TRABD2B: variants seen among roughly 807,000 people sequenced by gnomAD.
TRABD2B encodes metalloprotease TIKI2.
A neutral mutation model predicts 40.1 loss-of-function variants in TRABD2B; 14 were observed. The ratio of observed to expected loss-of-function variants is 0.35; its 90% CI spans 0.23 to 0.55. The LOEUF (loss-of-function observed/expected upper bound fraction) is 0.55, where lower values mean the gene tolerates loss of function less well. TRABD2B is among the 20% of genes least tolerant of loss of function. TRABD2B has a pLI of 0.90. For missense variants in TRABD2B, 541 were observed against 648.6 expected (o/e 0.83, Z 1.80); for synonymous variants, 263 against 277.0 (o/e 0.95, Z 0.50).
At chr1:47,897,732 C>G (rs943766608) in intron 2 of TRABD2B, among the ~76,000 whole-genome samples, 4 of 152,262 alleles carry the variant, frequency 2.6e-5, no homozygotes, top group Admixed American at 2.6e-4. Context: ...CATATACAAT[C>G]TGACCTGCCC....
intron 2 of TRABD2B, among the ~76,000 whole-genome samples, chr1:47,925,236 G>A (rs1644954288): frequency 6.6e-6 from 1 of 152,020 alleles, no homozygotes; most frequent in Non-Finnish European, 1.5e-5. Context: ...AGTTTCATGA[G>A]GATCTTATAG....
chr1:47,837,965 G>A (rs1285325701), intron 2 of TRABD2B, among the ~76,000 whole-genome samples: 5 of 152,188 alleles, frequency 3.3e-5, no homozygotes, highest in Admixed American at 1.3e-4. Flanking sequence ...CCAGCACGGG[G>A]ATTCAAGTAA....
rs138220294 is a variant in TRABD2B, at chr1:47,910,689, C to T, written c.666+83345G>A. ...CCTGTATGCTGTGCGTCCTGGGCCA[C>T]GCCATTTCTCTCTCGGAGCCTGTGT... is the stretch of plus-strand genomic sequence containing the variant. On this transcript the variant is annotated intron_variant, in intron 2 of 6. Transcript: ENST00000606738. 1.1e-3 allele frequency among the ~76,000 whole-genome samples: 171 copies of T among 152,290 alleles called. 1 individual carries two copies. The highest frequency in any genetic ancestry group is 3.7e-3 in the African/African-American group (154 of 41,558).
At chr1:47,889,385 A>G (rs1377506522) in intron 2 of TRABD2B, among the ~76,000 whole-genome samples, 1 of 152,212 alleles carries the variant, frequency 6.6e-6, no homozygotes, top group East Asian at 1.9e-4. Context: ...TTTGGGGGGA[A>G]ATAAAGGACA....
intron 2 of TRABD2B, among the ~76,000 whole-genome samples, chr1:47,893,109 G>A (rs1320067166): frequency 6.6e-6 from 1 of 152,170 alleles, no homozygotes; most frequent in African/African-American, 2.4e-5. Context: ...TGGCCAGATG[G>A]CCCCTCAGCT....
At chr1:47,843,147 C>CT (rs1450296500) in intron 2 of TRABD2B, among the ~76,000 whole-genome samples, 2 of 152,220 alleles carry the variant, frequency 1.3e-5, no homozygotes, top group Non-Finnish European at 2.9e-5. Flanking sequence ...CAAGCAGGAC[C>CT]TAAGGCCATC....
intron 2 of TRABD2B, among the ~76,000 whole-genome samples, chr1:47,957,055 G>A (rs1304870286): frequency 6.6e-6 from 1 of 152,206 alleles, no homozygotes; most frequent in Non-Finnish European, 1.5e-5. Context: ...TGCAAGATAT[G>A]CTGTTCTGTA....
chr1:47,784,316 T>C (rs754145016), intron 4 of TRABD2B, among the ~76,000 whole-genome samples: 1 of 152,170 alleles, frequency 6.6e-6, no homozygotes, highest in Non-Finnish European at 1.5e-5. Context: ...GTCAGAAACA[T>C]GCGTCCCTTC....
intron 2 of TRABD2B, among the ~76,000 whole-genome samples, chr1:47,826,311 T>G (rs539777578): frequency 1.3e-5 from 2 of 152,292 alleles, no homozygotes; most frequent in South Asian, 4.1e-4. Flanking sequence ...TATAATTTAT[T>G]TAATATGAAA....
chr1:47,845,106 G>A (rs574484196), intron 2 of TRABD2B, among the ~76,000 whole-genome samples: 6 of 152,218 alleles, frequency 3.9e-5, no homozygotes, highest in South Asian at 2.1e-4. Flanking sequence ...GGTCAGGTGC[G>A]TGCTCGTGAC....
chr1:47,816,730 T>C (rs939224898), intron 2 of TRABD2B, among the ~76,000 whole-genome samples: 1 of 152,196 alleles, frequency 6.6e-6, no homozygotes, highest in African/African-American at 2.4e-5. Context: ...GGTTTGTCTT[T>C]ATATACTTAT....
rs56776440 is a variant in TRABD2B, at chr1:47,967,336, A to AAC, written c.666+26696_666+26697dup. 9.1e-3 allele frequency among the ~76,000 whole-genome samples: 1,346 copies of AAC among 147,362 alleles called. 18 individuals carry two copies. The highest frequency in any genetic ancestry group is 0.024 in the African/African-American group (962 of 39,952). On this transcript the variant is annotated intron_variant, in intron 2 of 6. Transcript: ENST00000606738. ...ATGAGTGTATGTGAATAAGCAAGAA[A>AAC]ACACACACACACACACACACACACA...
chr1:47,790,514 T>C (rs991456152), intron 4 of TRABD2B, among the ~76,000 whole-genome samples: 43 of 152,326 alleles, frequency 2.8e-4, no homozygotes, highest in African/African-American at 9.6e-4. Context: ...CAGTGCCAGG[T>C]TGCAGAAACA....
In TRABD2B at chr1:47,765,750, T is replaced by G; in HGVS notation, c.*152A>C. 1.5e-6 allele frequency: 1 copy of G among 657,290 alleles called. No individual in the cohort carries two copies. Among genetic ancestry groups the G allele is most frequent in the Non-Finnish European group, 2.8e-6 (1 of 363,454 alleles). The allele number at this position is 657,290 out of a possible 1,614,324, so 40.7% of individuals were successfully genotyped here. On this transcript the variant is annotated 3_prime_UTR_variant, in exon 7 of 7. Transcript: ENST00000606738. The stretch of plus-strand genomic sequence containing the variant: ...CTTCTACAAAAAAGAAGATGTAACT[T>G]GGGTACAGTAAAGCTCTAGAGTGTC...
intron 2 of TRABD2B, among the ~76,000 whole-genome samples, chr1:47,988,716 G>C (rs1316904126): frequency 6.6e-6 from 1 of 152,168 alleles, no homozygotes; most frequent in African/African-American, 2.4e-5. Flanking sequence ...CAAAATATGG[G>C]AGATACGCAT....
Position 47,994,599 on chromosome 1 carries a change from T to A in TRABD2B, c.103-2A>T. 1 of 1,533,226 alleles carries A rather than the reference T, an allele frequency of 6.5e-7. No homozygotes were observed. The highest frequency in any genetic ancestry group is 8.7e-7 in the Non-Finnish European group (1 of 1,145,408). The allele number at this position is 1,533,226 out of a possible 1,614,324, so 95.0% of individuals were successfully genotyped here. A position where few individuals can be genotyped will look rare whatever the true frequency, so the allele number is the denominator to read the frequency against. ...CAGGAAGGAGTTCAAGTCCCTCTGC[T>A]GCAGGAGTAGAGAAGAGGCAAGGCA... is the stretch of plus-strand genomic sequence containing the variant. On this transcript the variant is annotated splice_acceptor_variant, in intron 1 of 6. Transcript: ENST00000606738. LOFTEE classifies it high-confidence loss of function. The surrounding 1 kb of genome is among the most constrained non-coding windows in gnomAD (Gnocchi z 6.7).
intron 2 of TRABD2B, among the ~76,000 whole-genome samples, chr1:47,822,021 A>ACGTG (rs1645117037): frequency 6.6e-6 from 1 of 152,178 alleles, no homozygotes; most frequent in Non-Finnish European, 1.5e-5. Context: ...GTGCACAAAC[A>ACGTG]CGTGCATGCA....
chr1:47,875,965 G>A (rs896252046), intron 2 of TRABD2B, among the ~76,000 whole-genome samples: 1 of 152,166 alleles, frequency 6.6e-6, no homozygotes, highest in Admixed American at 6.5e-5. Context: ...AGCACATGAT[G>A]TATATTTACA....
intron 2 of TRABD2B, among the ~76,000 whole-genome samples, chr1:47,928,247 A>G (rs1306793164): frequency 6.6e-6 from 1 of 152,226 alleles, no homozygotes; most frequent in Non-Finnish European, 1.5e-5. Flanking sequence ...ACAGGCCCTG[A>G]AATCAGAGCT....
Sources: allele counts gnomAD v4.1 joint callset (sites outside exome capture counted in the v4.1 genomes callset), GRCh38; gene constraint gnomAD v4.1.1; non-coding constraint Gnocchi (gnomAD v3.1); transcripts MANE v1.5; gene names NCBI Gene and HGNC (gene_info 2026-07-23, HGNC 2026-07-21).